Variants in RERG observed in about 807,000 individuals in gnomAD.
RERG encodes ras-related and estrogen-regulated growth inhibitor.
RERG carries 25 observed loss-of-function variants against 23.2 expected under a neutral mutation model. The ratio of observed to expected loss-of-function variants is 1.08; its 90% CI spans 0.79 to 1.50. RERG has a LOEUF of 1.50. RERG is among the 40% of genes most tolerant of loss of function. The probability of loss-of-function intolerance (pLI) is 0.00; values close to 1 mark genes in which losing one functional copy is unlikely to be tolerated. For synonymous variants in RERG, 81 were observed against 89.1 expected, an observed-to-expected ratio of 0.91 and a Z score of 0.51; for missense variants, 253 against 250.1, an observed-to-expected ratio of 1.01 and a Z score of -0.08.
At chr12:15,156,238 A>G (rs777908728) in intron 2 of RERG, among the ~76,000 whole-genome samples, 1 of 152,204 alleles carries the variant, frequency 6.6e-6, no homozygotes, top group Non-Finnish European at 1.5e-5. Context: ...AGGTATTGCT[A>G]ACACTGTGAT....
chr12:15,162,317 T>C (rs1864627183), intron 2 of RERG, among the ~76,000 whole-genome samples: 1 of 151,994 alleles, frequency 6.6e-6, no homozygotes, highest in Non-Finnish European at 1.5e-5. Flanking sequence ...TCAATCAGAA[T>C]AAAAAAAGAA....
chr12:15,109,978 GT>G (rs967000564), intron 4 of RERG, among the ~76,000 whole-genome samples: 24 of 152,140 alleles, frequency 1.6e-4, no homozygotes, highest in African/African-American at 5.8e-4. Flanking sequence ...TTGGTTTGTT[GT>G]TTGTTTTAAT....
intron 2 of RERG, among the ~76,000 whole-genome samples, chr12:15,209,347 C>T (rs865797505): frequency 6.6e-6 from 1 of 152,154 alleles, no homozygotes; most frequent in Non-Finnish European, 1.5e-5. Context: ...CATCATTGGG[C>T]AGATGAATAA....
chr12:15,109,297 G>A lies in RERG; in HGVS notation c.413C>T (p.Thr138Ile). ...CTCGTAAAAAGCACAAGCCAATTCT[G>A]TGGCCAGCTTCTCTCCTTCTTCTGT... ...VSTEEGEKLA[T>I]ELACAFYECS... The change falls in exon 5 of 5, where the codon ACA (threonine) becomes ATA (isoleucine). Residue 138 changes from threonine (T) to isoleucine (I), a missense_variant. Coordinates refer to ENST00000256953, the MANE Select transcript of RERG (RefSeq NM_032918.3). 6.2e-7 allele frequency: 1 copy of A among 1,614,122 alleles called. No individual in the cohort carries two copies. Among genetic ancestry groups the A allele is most frequent in the Non-Finnish European group, 8.5e-7 (1 of 1,180,008 alleles).
At chr12:15,189,394 T>C (rs1342108888) in intron 2 of RERG, among the ~76,000 whole-genome samples, 1 of 152,186 alleles carries the variant, frequency 6.6e-6, no homozygotes, top group African/African-American at 2.4e-5. Context: ...TTTCCTAAAA[T>C]ACATTTGTCC....
At chr12:15,212,306 G>A (rs1037487273) in intron 2 of RERG, among the ~76,000 whole-genome samples, 5 of 151,096 alleles carry the variant, frequency 3.3e-5, no homozygotes, top group Middle Eastern at 3.4e-3. Flanking sequence ...TGATCCACCC[G>A]CCTCGGCCTC....
chr12:15,115,549 A>C (rs1186829335), intron 3 of RERG, among the ~76,000 whole-genome samples: 1 of 152,202 alleles, frequency 6.6e-6, no homozygotes, highest in Non-Finnish European at 1.5e-5. Context: ...TAACACCATG[A>C]AACAGAGCGG....
chr12:15,178,561 C>T (rs1864883014), intron 2 of RERG, among the ~76,000 whole-genome samples: 1 of 152,154 alleles, frequency 6.6e-6, no homozygotes, highest in African/African-American at 2.4e-5. Flanking sequence ...AGGTTTATCT[C>T]TTTACTAACT....
chr12:15,181,260 C>CT (rs1864919587), intron 2 of RERG, among the ~76,000 whole-genome samples: 1 of 152,178 alleles, frequency 6.6e-6, no homozygotes, highest in African/African-American at 2.4e-5. Context: ...GCAAGCTAGT[C>CT]TTCTTCATCT....
intron 2 of RERG, among the ~76,000 whole-genome samples, chr12:15,195,410 T>C (rs988876001): frequency 1.3e-5 from 2 of 152,156 alleles, no homozygotes; most frequent in East Asian, 3.9e-4. Context: ...AGGCCATTGT[T>C]AATCTTTGCT....
At chr12:15,110,473 T>TTTTTTTC (rs1863589839) in intron 4 of RERG, among the ~76,000 whole-genome samples, 3 of 122,142 alleles carry the variant, frequency 2.5e-5, no homozygotes, top group Non-Finnish European at 3.5e-5. Context: ...CTTTTTTTTT[T>TTTTTTTC]TTTTTTTTTT....
At chr12:15,205,267 G>T (rs1313828802) in intron 2 of RERG, among the ~76,000 whole-genome samples, 1 of 151,810 alleles carries the variant, frequency 6.6e-6, no homozygotes, top group Non-Finnish European at 1.5e-5. Flanking sequence ...CATTTTATTG[G>T]GCTTATAGAG....
At chr12:15,146,727 G>T (rs559127597) in intron 2 of RERG, among the ~76,000 whole-genome samples, 11 of 152,272 alleles carry the variant, frequency 7.2e-5, no homozygotes, top group Admixed American at 3.9e-4. Flanking sequence ...TCTCTCCCAG[G>T]CACAGAGCAT....
intron 2 of RERG, among the ~76,000 whole-genome samples, chr12:15,171,162 T>C (rs1864772611): frequency 6.6e-6 from 1 of 152,196 alleles, no homozygotes; most frequent in South Asian, 2.1e-4. Flanking sequence ...ATTCACCCAC[T>C]TAGGAGGCTA....
intron 2 of RERG, among the ~76,000 whole-genome samples, chr12:15,180,500 G>C (rs1441530587): frequency 2.6e-5 from 4 of 152,146 alleles, no homozygotes; most frequent in African/African-American, 7.2e-5. Flanking sequence ...CCACAGCCAA[G>C]CTTCCAGCAA....
At chr12:15,169,899 G>C (rs1387808997) in intron 2 of RERG, among the ~76,000 whole-genome samples, 2 of 149,578 alleles carry the variant, frequency 1.3e-5, no homozygotes, top group African/African-American at 4.9e-5. Context: ...AAACAAGAAG[G>C]ACACACGTCA....
chr12:15,143,359 TAC>T (rs1864272361), intron 2 of RERG, among the ~76,000 whole-genome samples: 1 of 148,442 alleles, frequency 6.7e-6, no homozygotes, highest in Non-Finnish European at 1.5e-5. Context: ...TGTGTGTATG[TAC>T]ATATAATATA....
chr12:15,118,517 T>A (rs1190702004), intron 3 of RERG, among the ~76,000 whole-genome samples: 1 of 152,184 alleles, frequency 6.6e-6, no homozygotes, highest in African/African-American at 2.4e-5. Flanking sequence ...TCAAAGTAGC[T>A]GATATGGTTT....
Position 15,109,389 on chromosome 12 carries a change from C to A in RERG, c.321G>T (p.Lys107Asn). Residue 107 changes from lysine to asparagine, a missense_variant, in exon 5 of 5, where the codon AAG (lysine) becomes AAT (asparagine). Coordinates refer to ENST00000256953, the MANE Select transcript of RERG (RefSeq NM_032918.3). ...PLKNILDEIK[K>N]PKNVTLILVG... ...CCAAGATGAGAGTCACATTCTTGGG[C>A]TTTTTGATCTCATCTAGGATGTTCT... 3.7e-6 allele frequency: 6 copies of A among 1,614,054 alleles called. No homozygotes were observed. The highest frequency in any genetic ancestry group is 5.1e-6 in the Non-Finnish European group (6 of 1,180,012).
Sources: gnomAD v4.1 joint callset for allele counts (sites outside exome capture counted in the v4.1 genomes callset) on GRCh38, gnomAD v4.1.1 for gene constraint, MANE v1.5 for transcripts, NCBI Gene and HGNC (gene_info 2026-07-23, HGNC 2026-07-21) for gene names.